The following EXOC6B variants were observed in gnomAD, a reference collection of about 807,000 sequenced individuals.
EXOC6B encodes exocyst complex component 6B, also known as SEC15 homolog B.
EXOC6B carries 54 observed loss-of-function variants against 113.5 expected under a neutral mutation model. The observed-to-expected ratio is 0.48, with a 90% CI of 0.38 to 0.60. The LOEUF is 0.60. Among genes scored for constraint, EXOC6B ranks in the 20% least tolerant of loss-of-function variants. The pLI is 0.00. For synonymous variants in EXOC6B, 357 were observed against 339.0 expected (o/e 1.05, Z -0.58); for missense variants, 797 against 977.5 (o/e 0.82, Z 2.46).
At chr2:72,661,548 T>G (rs1192743741) in intron 6 of EXOC6B, among the ~76,000 whole-genome samples, 2 of 152,096 alleles carry the variant, frequency 1.3e-5, no homozygotes, top group Admixed American at 1.3e-4. Context: ...ATAATTGATA[T>G]GAATCTAACA....
At position 72,416,634 on chromosome 2, in the gene EXOC6B, A is replaced by G. The variant is rs1694543314; in HGVS notation, c.1981-36764T>C. Among the ~76,000 whole-genome samples the G allele has an allele frequency of 2.0e-5, 3 of 152,072 alleles. No individual in the cohort carries two copies. In the South Asian group the frequency reaches 6.2e-4, roughly 32 times the overall value. On this transcript the variant is annotated intron_variant, in intron 18 of 21. Transcript: ENST00000272427. Reference sequence around the variant, plus strand: ...GGGTCCTGGTTCTTCTCTTTGGGAAAAGTTTCCCAGTTTACTGTTCTCTGA... The same window carrying G: ...GGGTCCTGGTTCTTCTCTTTGGGAAGAGTTTCCCAGTTTACTGTTCTCTGA...
At chr2:72,482,250 A>C (rs1699144856) in intron 16 of EXOC6B, among the ~76,000 whole-genome samples, 2 of 152,194 alleles carry the variant, frequency 1.3e-5, no homozygotes, top group Non-Finnish European at 2.9e-5. Context: ...AAGAGGAAAA[A>C]AAGTGGTATC....
chr2:72,478,442 G>A (rs1428594825), intron 17 of EXOC6B, among the ~76,000 whole-genome samples: 1 of 152,180 alleles, frequency 6.6e-6, no homozygotes, highest in Non-Finnish European at 1.5e-5. Flanking sequence ...TACACAACAT[G>A]TAGCTGTTAT....
chr2:72,721,389 TG>T (rs2104734920), intron 5 of EXOC6B, among the ~76,000 whole-genome samples: 1 of 44,226 alleles, frequency 2.3e-5, no homozygotes, highest in South Asian at 5.2e-4. Flanking sequence ...AAAAAAAAAA[TG>T]AACAAAGAAA....
At chr2:72,223,694 T>C (rs1478631387) in intron 20 of EXOC6B, among the ~76,000 whole-genome samples, 1 of 151,782 alleles carries the variant, frequency 6.6e-6, no homozygotes, top group Non-Finnish European at 1.5e-5. Context: ...TTTTTGTTTG[T>C]TTGTTTGTTT....
intron 6 of EXOC6B, among the ~76,000 whole-genome samples, chr2:72,613,729 T>C (rs1288028667): frequency 6.6e-6 from 1 of 150,614 alleles, no homozygotes; most frequent in Non-Finnish European, 1.5e-5. Context: ...ATTTCATATG[T>C]AAGCATGCAT....
rs189464453 is a variant in EXOC6B, at chr2:72,774,953, A to G, written c.114-33484T>C. Among the ~76,000 whole-genome samples the G allele has an allele frequency of 1.9e-4, 29 of 152,288 alleles. No homozygotes were observed. In the East Asian group the frequency reaches 5.4e-3, roughly 28 times the overall value. On this transcript the variant is annotated intron_variant, in intron 1 of 21. Transcript: ENST00000272427. ...ACTAGAATAATATAGAACTCAGTTAAGCACTTTGCTTACTTACTCTTACTG... is the reference window on the plus strand; with the variant it reads ...ACTAGAATAATATAGAACTCAGTTAGGCACTTTGCTTACTTACTCTTACTG...
intron 16 of EXOC6B, among the ~76,000 whole-genome samples, chr2:72,484,341 G>A (rs563437552): frequency 1.3e-3 from 190 of 150,798 alleles, no homozygotes; most frequent in African/African-American, 4.0e-3. Flanking sequence ...GGCGGATCAC[G>A]AGGTCAGGAG....
intron 20 of EXOC6B, among the ~76,000 whole-genome samples, chr2:72,268,941 A>C (rs781254542): frequency 3.3e-5 from 5 of 152,142 alleles, no homozygotes; most frequent in Non-Finnish European, 5.9e-5. Context: ...TTTATAAATT[A>C]TCCAGCCTCA....
chr2:72,535,237 T>C (rs1343217474), intron 8 of EXOC6B, among the ~76,000 whole-genome samples: 1 of 152,226 alleles, frequency 6.6e-6, no homozygotes, highest in Non-Finnish European at 1.5e-5. Flanking sequence ...ATTGTGCTAC[T>C]TGGTTTGAAA....
At chr2:72,679,727 T>A (rs893549418) in intron 6 of EXOC6B, among the ~76,000 whole-genome samples, 6 of 152,154 alleles carry the variant, frequency 3.9e-5, no homozygotes, top group Admixed American at 6.5e-5. Flanking sequence ...ATAAAATTGT[T>A]AAATCTTAGA....
At chr2:72,776,622 A>C (rs1365096028) in intron 1 of EXOC6B, among the ~76,000 whole-genome samples, 1 of 151,854 alleles carries the variant, frequency 6.6e-6, no homozygotes, top group African/African-American at 2.4e-5. Flanking sequence ...GTCTCAAAAA[A>C]AAAAAAGTTA....
chr2:72,276,315 G>A (rs956276374), intron 20 of EXOC6B, among the ~76,000 whole-genome samples: 2 of 152,122 alleles, frequency 1.3e-5, no homozygotes, highest in Non-Finnish European at 2.9e-5. Context: ...GCATGGAAGG[G>A]ACCTGGGACA....
intron 20 of EXOC6B, among the ~76,000 whole-genome samples, chr2:72,197,536 T>C (rs1679247925): frequency 6.6e-6 from 1 of 152,034 alleles, no homozygotes; most frequent in African/African-American, 2.4e-5. Context: ...AACATTTCAG[T>C]AGCAATTTAT....
intron 8 of EXOC6B, among the ~76,000 whole-genome samples, chr2:72,529,682 C>T (rs543865812): frequency 1.3e-5 from 2 of 152,258 alleles, no homozygotes; most frequent in South Asian, 4.1e-4. Context: ...AGGCTGGTCT[C>T]AAACTCCTGG....
chr2:72,629,927 T>C (rs559825392), intron 6 of EXOC6B, among the ~76,000 whole-genome samples: 8 of 152,280 alleles, frequency 5.3e-5, no homozygotes, highest in Admixed American at 4.6e-4. Context: ...TAGGAAACCT[T>C]TGATCACTCA....
chr2:72,337,402 A>G (rs1321294837), intron 19 of EXOC6B, among the ~76,000 whole-genome samples: 1 of 152,146 alleles, frequency 6.6e-6, no homozygotes, highest in Non-Finnish European at 1.5e-5. Context: ...GGCAGCAACT[A>G]TCAAGATGTT....
intron 11 of EXOC6B, among the ~76,000 whole-genome samples, chr2:72,505,360 G>A (rs1573279033): frequency 6.6e-6 from 1 of 151,948 alleles, no homozygotes; most frequent in East Asian, 1.9e-4. Flanking sequence ...GACCTCCTAT[G>A]CCACCTAATA....
At chr2:72,665,641 A>G (rs1284469030) in intron 6 of EXOC6B, among the ~76,000 whole-genome samples, 2 of 152,222 alleles carry the variant, frequency 1.3e-5, no homozygotes, top group South Asian at 2.1e-4. Context: ...TCAGACAAGC[A>G]AACACTAAAG....
Sources: gnomAD v4.1 joint callset for allele counts (sites outside exome capture counted in the v4.1 genomes callset) on GRCh38, gnomAD v4.1.1 for gene constraint, MANE v1.5 for transcripts, NCBI Gene and HGNC (gene_info 2026-07-23, HGNC 2026-07-21) for gene names.